LMTK2: variants seen among roughly 807,000 people sequenced by gnomAD.
LMTK2 encodes lemur tail kinase 2.
Under a neutral mutation model 127.5 loss-of-function variants are expected in LMTK2, and 37 were observed. The observed-to-expected ratio is 0.29, with a 90% CI of 0.22 to 0.38. The LOEUF is 0.38. Among genes scored for constraint, LMTK2 ranks in the 10% least tolerant of loss-of-function variants. LMTK2 has a pLI of 1.00. For synonymous variants in LMTK2, 819 were observed against 810.1 expected, an observed-to-expected ratio of 1.01 and a Z score of -0.19; for missense variants, 1,694 against 1,920.3, an observed-to-expected ratio of 0.88 and a Z score of 2.20.
Position 98,193,543 on chromosome 7 carries a change from G to A in LMTK2, c.3078G>A (p.Lys1026=), listed in dbSNP as rs1797570473. The A allele has an allele frequency of 6.2e-7, 1 of 1,613,996 alleles. No individual in the cohort carries two copies. Among genetic ancestry groups the A allele is most frequent in the African/African-American group, 1.3e-5 (1 of 74,906 alleles). Residue 1026 remains lysine, a synonymous_variant, in exon 11 of 14, where the codon AAG becomes AAA. Coordinates refer to ENST00000297293, the MANE Select transcript of LMTK2 (RefSeq NM_014916.4). The surrounding 1 kb of genome is among the most constrained non-coding windows in gnomAD (Gnocchi z 4.1). ...HTPQKLVPPD[K]PADSGYETEN... ...CCCAGAAACTAGTGCCCCCCGATAA[G>A]CCGGCAGACAGTGGCTACGAAACAG... is the stretch of plus-strand genomic sequence containing the variant.
chr7:98,173,227 G>C (rs1478668306), intron 7 of LMTK2, among the ~76,000 whole-genome samples: 2 of 152,140 alleles, frequency 1.3e-5, no homozygotes, highest in Non-Finnish European at 2.9e-5. Context: ...AGGGGGGACA[G>C]AGGAAAATTA....
chr7:98,187,121 G>A, intron 9 of LMTK2, 123 bp downstream of exon 9: 2 of 871,342 alleles, frequency 2.3e-6, no homozygotes, highest in Non-Finnish European at 3.5e-6. Flanking sequence ...GTATCTGATG[G>A]TGTGAAAAAG....
At chr7:98,147,893 C>T (rs1291381164) in intron 3 of LMTK2, among the ~76,000 whole-genome samples, 2 of 152,190 alleles carry the variant, frequency 1.3e-5, no homozygotes, top group Non-Finnish European at 2.9e-5. Context: ...CTTTAGCTCT[C>T]TGAACATATT....
chr7:98,192,955 C>T lies in LMTK2; in HGVS notation c.2490C>T (p.Pro830=). ...FETEETPRRV[P]PDSLPTQGET... ...CAGAAGAAACGCCCCGTCGGGTACC[C>T]CCAGACTCACTCCCAACACAGGGAG... Residue 830 remains proline (P), a synonymous_variant, in exon 11 of 14, where the codon CCC becomes CCT. Coordinates refer to ENST00000297293, the MANE Select transcript of LMTK2 (RefSeq NM_014916.4). 1 of 1,614,112 alleles carries T rather than the reference C, an allele frequency of 6.2e-7. No individual in the cohort carries two copies. The highest frequency in any genetic ancestry group is 2.2e-5 in the East Asian group (1 of 44,882).
chr7:98,149,360 G>A (rs2116383688), intron 3 of LMTK2, among the ~76,000 whole-genome samples: 1 of 152,288 alleles, frequency 6.6e-6, no homozygotes, highest in South Asian at 2.1e-4. Flanking sequence ...GCTCACTTTG[G>A]TTGCTGTAAA....
intron 6 of LMTK2, among the ~76,000 whole-genome samples, chr7:98,168,208 G>A (rs1797131718): frequency 6.6e-6 from 1 of 152,174 alleles, no homozygotes. Context: ...AGGTGTTTGG[G>A]GCCAGAGCAG....
chr7:98,128,294 G>A (rs1261046555), intron 1 of LMTK2, among the ~76,000 whole-genome samples: 1 of 152,146 alleles, frequency 6.6e-6, no homozygotes, highest in Non-Finnish European at 1.5e-5. Flanking sequence ...CCTGAGGGCG[G>A]GCCGTAGTCC....
At chr7:98,204,778 G>A (rs747567920) in intron 13 of LMTK2, among the ~76,000 whole-genome samples, 2 of 152,232 alleles carry the variant, frequency 1.3e-5, no homozygotes, top group Non-Finnish European at 2.9e-5. Context: ...CCCAGGCTGC[G>A]CGCCATCTCC....
rs1009782866 is a variant in LMTK2, at chr7:98,207,501, CG to C, written c.*2010del. On this transcript the variant is annotated 3_prime_UTR_variant, in exon 14 of 14. Transcript: ENST00000297293. ...GGGAGCACCACTGTCTCGGGATGCG[CG>C]AATTTTTTTTTTTTTTTTAATTAAC... 6.7e-6 allele frequency: 1 copy of C among 149,020 alleles called. No homozygotes were observed. Among genetic ancestry groups the C allele is most frequent in the East Asian group, 2.1e-4 (1 of 4,678 alleles). The allele number at this position is 149,020 out of a possible 1,614,324, so 9.2% of individuals were successfully genotyped here.
At chr7:98,166,726 G>T (rs1797107218) in intron 6 of LMTK2, among the ~76,000 whole-genome samples, 1 of 152,186 alleles carries the variant, frequency 6.6e-6, no homozygotes, top group Non-Finnish European at 1.5e-5. Context: ...TGAAGCCTAG[G>T]CTGTAGCAAG....
chr7:98,172,533 A>AT (rs1562913934), intron 7 of LMTK2, among the ~76,000 whole-genome samples: 1 of 152,186 alleles, frequency 6.6e-6, no homozygotes, highest in South Asian at 2.1e-4. Context: ...CTGTGAACCC[A>AT]AAAGGAGATT....
intron 11 of LMTK2, among the ~76,000 whole-genome samples, chr7:98,197,898 T>C (rs1457632845): frequency 6.6e-6 from 1 of 152,190 alleles, no homozygotes; most frequent in Non-Finnish European, 1.5e-5. Context: ...ACCTAGGTTT[T>C]TTTGGTTGGT....
At chr7:98,122,355 C>T (rs909844970) in intron 1 of LMTK2, among the ~76,000 whole-genome samples, 2 of 152,164 alleles carry the variant, frequency 1.3e-5, no homozygotes, top group African/African-American at 2.4e-5. Context: ...TCCCAGTTCT[C>T]ACCCTCCTCC....
intron 6 of LMTK2, among the ~76,000 whole-genome samples, chr7:98,164,093 A>G (rs1797053632): frequency 6.6e-6 from 1 of 152,232 alleles, no homozygotes; most frequent in African/African-American, 2.4e-5. Flanking sequence ...GCACTTAATC[A>G]TGGAATTTTT....
chr7:98,192,534 C>T lies in LMTK2; in HGVS notation c.2069C>T (p.Pro690Leu), dbSNP rs756903610. The change falls in exon 11 of 14, where the codon CCC (proline) becomes CTC (leucine). Residue 690 changes from proline (P) to leucine (L), a missense_variant. This residue lies in a region of LMTK2 where 527 missense variants were observed against 539.8 expected (regional missense o/e 0.98). Coordinates refer to ENST00000297293, the MANE Select transcript of LMTK2 (RefSeq NM_014916.4). ...ACAGGCCACTTTGAGAAAGAAAAGC[C>T]CCGTAAGATTTTTGACAGTGAGCCT... ...VITGHFEKEKPRKIFDSEPLC... is the reference protein window; with the variant it reads ...VITGHFEKEKLRKIFDSEPLC... 1 of 1,611,412 alleles carries T rather than the reference C, an allele frequency of 6.2e-7. No individual in the cohort carries two copies. Among genetic ancestry groups the T allele is most frequent in the East Asian group, 2.2e-5 (1 of 44,876 alleles).
At chr7:98,123,418 C>T (rs1796396205) in intron 1 of LMTK2, among the ~76,000 whole-genome samples, 1 of 152,012 alleles carries the variant, frequency 6.6e-6, no homozygotes, top group Admixed American at 6.6e-5. Context: ...TAATCCGTCC[C>T]AGGTGCCTTG....
chr7:98,152,504 A>G (rs192701388), intron 4 of LMTK2, among the ~76,000 whole-genome samples: 367 of 152,286 alleles, frequency 2.4e-3, no homozygotes, highest in Non-Finnish European at 3.9e-3. Flanking sequence ...TCTTGGTGCT[A>G]GGGGCACGAT....
In LMTK2 at chr7:98,192,149, A is replaced by T. The variant is rs1056996573; in HGVS notation, c.1684A>T (p.Asn562Tyr). ...YIQLEEKSGS[N>Y]LELDYPPALL... is the part of the protein sequence containing the mutation. Reference sequence around the variant, plus strand: ...CCAGTTAGAAGAAAAAAGTGGTAGTAACTTGGAGCTTGATTACCCACCAGC... The same window carrying T: ...CCAGTTAGAAGAAAAAAGTGGTAGTTACTTGGAGCTTGATTACCCACCAGC... Residue 562 changes from asparagine to tyrosine, a missense_variant, in exon 11 of 14, where the codon AAC becomes TAC. Physicochemically the swap from Asn to Tyr is moderately radical, Grantham distance 143. Transcript: ENST00000297293. The T allele has an allele frequency of 2.0e-6, 3 of 1,530,714 alleles. No homozygotes were observed. In the African/African-American group the frequency reaches 4.2e-5, roughly 21 times the overall value. The allele number at this position is 1,530,714 out of a possible 1,614,324, so 94.8% of individuals were successfully genotyped here. A position where few individuals can be genotyped will look rare whatever the true frequency, so the allele number is the denominator to read the frequency against.
chr7:98,175,384 G>A (rs573010133), intron 7 of LMTK2, among the ~76,000 whole-genome samples: 13 of 152,310 alleles, frequency 8.5e-5, no homozygotes, highest in African/African-American at 2.4e-4. Flanking sequence ...AAAAGAAGAC[G>A]CAGGAGAGAA....
Sources: allele counts gnomAD v4.1 joint callset (sites outside exome capture counted in the v4.1 genomes callset), GRCh38; gene constraint gnomAD v4.1.1; regional missense constraint gnomAD v4.1.1; non-coding constraint Gnocchi (gnomAD v3.1); transcripts MANE v1.5; gene names NCBI Gene and HGNC (gene_info 2026-07-23, HGNC 2026-07-21).